The following REEP3 variants were observed in gnomAD, a reference collection of about 807,000 sequenced individuals.
REEP3 encodes receptor expression-enhancing protein 3.
A neutral mutation model predicts 41.3 loss-of-function variants in REEP3; 20 were observed. That is an observed-to-expected ratio of 0.48 (90% CI 0.34 to 0.70). REEP3 has a LOEUF of 0.70. Ranked by LOEUF, REEP3 falls within the 30% of genes least tolerant of loss-of-function variation. REEP3 has a pLI of 0.01. For synonymous variants in REEP3, 104 were observed against 101.8 expected, an observed-to-expected ratio of 1.02 and a Z score of -0.13; for missense variants, 271 against 308.8, an observed-to-expected ratio of 0.88 and a Z score of 0.92.
At chr10:63,611,247 A>T (rs1257820907) in intron 6 of REEP3, among the ~76,000 whole-genome samples, 1 of 152,192 alleles carries the variant, frequency 6.6e-6, no homozygotes, top group Non-Finnish European at 1.5e-5. Context: ...CGAACTGTGC[A>T]CTGACATCTA....
chr10:63,617,367 T>C (rs1380834358), intron 6 of REEP3, among the ~76,000 whole-genome samples: 1 of 152,244 alleles, frequency 6.6e-6, no homozygotes, highest in Non-Finnish European at 1.5e-5. Flanking sequence ...TTAGTGTTTC[T>C]CAAATTATTC....
chr10:63,602,073 G>A (rs1589884823), intron 5 of REEP3, among the ~76,000 whole-genome samples: 1 of 151,998 alleles, frequency 6.6e-6, no homozygotes, highest in Non-Finnish European at 1.5e-5. Flanking sequence ...AAAATACATT[G>A]GCGGCAATGT....
At chr10:63,535,578 A>ATTACATG (rs1955466429) in intron 1 of REEP3, among the ~76,000 whole-genome samples, 2 of 152,146 alleles carry the variant, frequency 1.3e-5, no homozygotes, top group South Asian at 4.1e-4. Flanking sequence ...AACTTTCACT[A>ATTACATG]TTACATGTCA....
At chr10:63,573,758 AG>A (rs1032252561) in intron 2 of REEP3, among the ~76,000 whole-genome samples, 1 of 152,210 alleles carries the variant, frequency 6.6e-6, no homozygotes, top group African/African-American at 2.4e-5. Flanking sequence ...TGGAAATAGA[AG>A]GGGAAAAACA....
intron 1 of REEP3, among the ~76,000 whole-genome samples, chr10:63,547,893 A>G (rs4746195): frequency 0.13 from 20,365 of 152,152 alleles, 2,018 homozygotes; most frequent in East Asian, 0.3. Context: ...AACACTAACA[A>G]CTCATATTTT....
chr10:63,599,162 T>TC lies in REEP3; in HGVS notation c.304-3dup. The TC allele has an allele frequency of 6.9e-7, 1 of 1,458,318 alleles. No homozygotes were observed. Among genetic ancestry groups the TC allele is most frequent in the Non-Finnish European group, 9.4e-7 (1 of 1,061,774 alleles). 90.3% of individuals were successfully genotyped at this position (1,458,318 alleles called of 1,614,324 possible). On this transcript the variant is annotated splice_region_variant and splice_polypyrimidine_tract_variant and intron_variant, in intron 4 of 7. Coordinates refer to ENST00000373758, the MANE Select transcript of REEP3 (RefSeq NM_001001330.3). Reference sequence around the variant, plus strand: ...AGTAAAACTAACATCTGTGGCTTTTTCCCCCAGGAGATTGATGATTATATT... The same window carrying TC: ...AGTAAAACTAACATCTGTGGCTTTTTCCCCCCAGGAGATTGATGATTATATT...
intron 2 of REEP3, among the ~76,000 whole-genome samples, chr10:63,588,335 C>G (rs1191654372): frequency 2.0e-5 from 3 of 152,134 alleles, no homozygotes; most frequent in Non-Finnish European, 4.4e-5. Flanking sequence ...ATTAAATATT[C>G]CTGCTTTCTC....
Position 63,623,283 on chromosome 10 carries a change from C to G in REEP3, c.*2414C>G, listed in dbSNP as rs1956368947. 6.6e-6 allele frequency: 1 copy of G among 152,068 alleles called. No individual in the cohort carries two copies. The allele number at this position is 152,068 out of a possible 1,614,324, so 9.4% of individuals were successfully genotyped here. On this transcript the variant is annotated 3_prime_UTR_variant, in exon 8 of 8. Coordinates refer to ENST00000373758, the MANE Select transcript of REEP3 (RefSeq NM_001001330.3). ...CATTTCTTAAATTTTGGTTCTTTTCCTGTACATGTGTTTTAGCGGGGCCCT... is the reference window on the plus strand; with the variant it reads ...CATTTCTTAAATTTTGGTTCTTTTCGTGTACATGTGTTTTAGCGGGGCCCT...
Position 63,547,244 on chromosome 10 carries a change from CA to C in REEP3, c.33-19089del, listed in dbSNP as rs570524766. On this transcript the variant is annotated intron_variant, in intron 1 of 7. Transcript: ENST00000373758. Reference sequence around the variant, plus strand: ...CAATTCTTCACGACTTTAAGATAACCAAAAACAACCTTAAACATGATACAGA... The same window carrying C: ...CAATTCTTCACGACTTTAAGATAACCAAAACAACCTTAAACATGATACAGA... 2.9e-3 allele frequency among the ~76,000 whole-genome samples: 441 copies of C among 152,110 alleles called. 1 individual carries two copies. Among genetic ancestry groups the C allele is most frequent in the Non-Finnish European group, 4.9e-3 (334 of 67,992 alleles).
At position 63,532,116 on chromosome 10, in the gene REEP3, A is replaced by AT. The variant is rs1375922123; in HGVS notation, c.32+10541dup. Among the ~76,000 whole-genome samples the AT allele has an allele frequency of 9.2e-5, 14 of 152,158 alleles. No individual in the cohort carries two copies. In the South Asian group the frequency reaches 3.0e-3, roughly 33 times the overall value. On this transcript the variant is annotated intron_variant, in intron 1 of 7. Transcript: ENST00000373758. ...ATAGTTTTTCCTGGTCTTAGAATTG[A>AT]TTAAGACATTAGGATTAGAATACAG...
rs975896592 is a variant in REEP3 at position 63,522,214 on chromosome 10, C to G, written c.32+637C>G. ...AGTTTTCCCAAGATTTGCAGCTTAC[C>G]GAGAAAGGTGACACCGGCTGCTCGC... is the stretch of plus-strand genomic sequence containing the variant. On this transcript the variant is annotated intron_variant, in intron 1 of 7. Coordinates refer to ENST00000373758, the MANE Select transcript of REEP3 (RefSeq NM_001001330.3). 5.9e-5 allele frequency among the ~76,000 whole-genome samples: 9 copies of G among 151,920 alleles called. No homozygotes were observed. The East Asian group carries it at 7.8e-4, about 13-fold the overall frequency.
At chr10:63,591,232 T>C (rs1029160081) in intron 2 of REEP3, among the ~76,000 whole-genome samples, 1 of 151,978 alleles carries the variant, frequency 6.6e-6, no homozygotes, top group African/African-American at 2.4e-5. Context: ...AAAGCATCAC[T>C]GAGTAATCAT....
intron 2 of REEP3, among the ~76,000 whole-genome samples, chr10:63,573,841 T>A (rs1242162653): frequency 5.9e-5 from 9 of 152,228 alleles, no homozygotes; most frequent in Non-Finnish European, 1.2e-4. Flanking sequence ...TAAAAAGTAT[T>A]CATTTCATTT....
chr10:63,586,442 G>T (rs912323274), intron 2 of REEP3, among the ~76,000 whole-genome samples: 3 of 151,904 alleles, frequency 2.0e-5, no homozygotes, highest in Non-Finnish European at 2.9e-5. Flanking sequence ...AATTTCTTTT[G>T]ATTTTTAAAT....
intron 3 of REEP3, among the ~76,000 whole-genome samples, chr10:63,597,633 T>C (rs1443648697): frequency 6.6e-6 from 1 of 152,188 alleles, no homozygotes; most frequent in Non-Finnish European, 1.5e-5. Flanking sequence ...TAGCATAGGC[T>C]GGGTGCTGTG....
intron 1 of REEP3, among the ~76,000 whole-genome samples, chr10:63,560,802 C>T (rs1280430412): frequency 6.6e-6 from 1 of 152,118 alleles, no homozygotes; most frequent in Non-Finnish European, 1.5e-5. Flanking sequence ...ACACACTGTG[C>T]TCATGCTTTG....
rs1410876981 is a variant in REEP3, at chr10:63,621,556, T to C, written c.*687T>C. 1 of 152,678 alleles carries C rather than the reference T, an allele frequency of 6.5e-6. No homozygotes were observed. Among genetic ancestry groups the C allele is most frequent in the Non-Finnish European group, 1.5e-5 (1 of 68,024 alleles). 9.5% of individuals were successfully genotyped at this position (152,678 alleles called of 1,614,324 possible). ...CATGTCAAATCTATGCCTTGAATTATATCATCTCTTTTCCTGTGGGTTTCA... is the reference window on the plus strand; with the variant it reads ...CATGTCAAATCTATGCCTTGAATTACATCATCTCTTTTCCTGTGGGTTTCA... On this transcript the variant is annotated 3_prime_UTR_variant, in exon 8 of 8. Transcript: ENST00000373758.
chr10:63,524,476 C>T (rs1291910374), intron 1 of REEP3, among the ~76,000 whole-genome samples: 1 of 151,866 alleles, frequency 6.6e-6, no homozygotes, highest in Admixed American at 6.6e-5. Flanking sequence ...CTCTCTCTGT[C>T]GCCCACGCTG....
intron 2 of REEP3, among the ~76,000 whole-genome samples, chr10:63,583,016 C>T (rs1025357819): frequency 2.6e-5 from 4 of 151,934 alleles, no homozygotes; most frequent in East Asian, 1.9e-4. Context: ...GATGGAGTCT[C>T]GCTCTGCCAC....
Sources: allele counts gnomAD v4.1 joint callset (sites outside exome capture counted in the v4.1 genomes callset), GRCh38; gene constraint gnomAD v4.1.1; transcripts MANE v1.5; gene names NCBI Gene and HGNC (gene_info 2026-07-23, HGNC 2026-07-21).